The following DAPK2 variants were observed in gnomAD, a reference collection of about 807,000 sequenced individuals.
DAPK2 encodes death-associated protein kinase 2.
DAPK2 carries 35 observed loss-of-function variants against 44.1 expected under a neutral mutation model. The observed-to-expected ratio is 0.79, with a 90% CI of 0.61 to 1.05. The LOEUF is 1.05. Among genes scored for constraint, DAPK2 ranks in the 50% least tolerant of loss-of-function variants. The pLI, the probability that DAPK2 is intolerant of heterozygous loss-of-function variation, is 0.00. For synonymous variants in DAPK2, 174 were observed against 182.6 expected (o/e 0.95, Z 0.38); for missense variants, 453 against 483.2 (o/e 0.94, Z 0.59).
chr15:63,939,796 T>C lies in DAPK2; in HGVS notation c.454-435A>G, dbSNP rs1040565526. Among the ~76,000 whole-genome samples, 6 of 152,224 alleles carry C rather than the reference T, an allele frequency of 3.9e-5. No homozygotes were observed. The highest frequency in any genetic ancestry group is 6.5e-5 in the Admixed American group (1 of 15,280). ...TCCCAGCTTAGCCTCTGTTTATACT[T>C]GGCTTACTGACCTTGGTCTTCCTGA... On this transcript the variant is annotated intron_variant, in intron 3 of 10. Transcript: ENST00000261891. The surrounding 1 kb of genome is among the most constrained non-coding windows in gnomAD (Gnocchi z 4.3).
intron 1 of DAPK2, among the ~76,000 whole-genome samples, chr15:63,986,676 T>C (rs1182142140): frequency 6.6e-6 from 1 of 152,202 alleles, no homozygotes; most frequent in Non-Finnish European, 1.5e-5. Context: ...TCCGAGCAAG[T>C]AGCCAACTCT....
intron 3 of DAPK2, among the ~76,000 whole-genome samples, chr15:63,955,074 A>G (rs1440673053): frequency 6.6e-6 from 1 of 152,204 alleles, no homozygotes; most frequent in Non-Finnish European, 1.5e-5. Flanking sequence ...GGTTTTTCCA[A>G]ATATGAGATC....
At chr15:64,022,886 A>T (rs1338397879) in intron 1 of DAPK2, among the ~76,000 whole-genome samples, 2 of 152,162 alleles carry the variant, frequency 1.3e-5, no homozygotes, top group Non-Finnish European at 2.9e-5. Flanking sequence ...AGGGGGTTAG[A>T]CAGATGATAT....
chr15:64,045,735 C>T (rs751470301), intron 1 of DAPK2, among the ~76,000 whole-genome samples: 2 of 152,228 alleles, frequency 1.3e-5, no homozygotes, highest in Non-Finnish European at 2.9e-5. Context: ...CTGTTGGCAA[C>T]GCCCTTCCAA....
At chr15:63,964,811 CTT>C in intron 3 of DAPK2, among the ~76,000 whole-genome samples, 1 of 152,094 alleles carries the variant, frequency 6.6e-6, no homozygotes, top group Non-Finnish European at 1.5e-5. Flanking sequence ...ATTTAAATCT[CTT>C]TGTTAAATTT....
Position 63,923,668 on chromosome 15 carries a change from C to T in DAPK2, c.858+1148G>A, listed in dbSNP as rs554970820. On this transcript the variant is annotated intron_variant, in intron 8 of 10. Coordinates refer to ENST00000261891, the Ensembl canonical transcript of DAPK2. This position sits in a 1 kb window ranked among gnomAD's most constrained non-coding sequence, Gnocchi z 4.2. ...CAGGCATCTGCGCAGGGCTGGAGCA[C>T]GCAAGGCCAGGGCTCACGCAGCAGG... Among the ~76,000 whole-genome samples the T allele has an allele frequency of 1.4e-4, 21 of 152,342 alleles. No individual in the cohort carries two copies. Among genetic ancestry groups the T allele is most frequent in the Non-Finnish European group, 2.6e-4 (18 of 68,030 alleles).
intron 1 of DAPK2, among the ~76,000 whole-genome samples, chr15:64,025,881 G>A (rs905577305): frequency 6.6e-6 from 1 of 152,106 alleles, no homozygotes; most frequent in Non-Finnish European, 1.5e-5. Context: ...GCTTAATTGG[G>A]GTCTAAAGTT....
At chr15:64,044,862 G>A (rs1190044593), upstream of DAPK2, among the ~76,000 whole-genome samples, 2 of 152,122 alleles carry the variant, frequency 1.3e-5, no homozygotes, top group African/African-American at 4.8e-5. Context: ...AAACACACAC[G>A]ACCGTCTCAT....
chr15:63,949,208 C>T (rs1443897360), intron 3 of DAPK2, among the ~76,000 whole-genome samples: 3 of 152,234 alleles, frequency 2.0e-5, no homozygotes, highest in Admixed American at 2.0e-4. Flanking sequence ...GGCTACTCAC[C>T]CATGACTGCT....
chr15:63,924,606 T>C (rs574696725), intron 8 of DAPK2: 174 of 542,444 alleles, frequency 3.2e-4, no homozygotes, highest in African/African-American at 2.5e-3. Flanking sequence ...TTACCTGAAT[T>C]TGAGACACAC....
intron 6 of DAPK2, chr15:63,926,332 A>C: frequency 2.4e-6 from 1 of 423,780 alleles, no homozygotes; most frequent in South Asian, 3.4e-5. Flanking sequence ...ACGGACTCAA[A>C]AGCGGAGGGG....
At chr15:63,914,749 G>A (rs758465677) in intron 8 of DAPK2, among the ~76,000 whole-genome samples, 2 of 152,094 alleles carry the variant, frequency 1.3e-5, no homozygotes, top group East Asian at 1.9e-4. Context: ...CAAAGTCTCC[G>A]GGTCTTTGCC....
chr15:63,929,084 C>A (rs917049360), intron 6 of DAPK2, among the ~76,000 whole-genome samples: 2 of 151,926 alleles, frequency 1.3e-5, no homozygotes, highest in African/African-American at 2.4e-5. Context: ...CCTGTAATCC[C>A]GGTTACTCGG....
chr15:63,994,991 C>G (rs1379422236), intron 1 of DAPK2, among the ~76,000 whole-genome samples: 5 of 152,022 alleles, frequency 3.3e-5, no homozygotes, highest in Non-Finnish European at 7.4e-5. Flanking sequence ...ATTAACATCT[C>G]CTCATATAAT....
Position 63,990,230 on chromosome 15 carries a change from C to A in DAPK2, c.93-6476G>T, listed in dbSNP as rs1029596162. Among the ~76,000 whole-genome samples, 2 of 130,794 alleles carry A rather than the reference C, an allele frequency of 1.5e-5. No individual in the cohort carries two copies. The highest frequency in any genetic ancestry group is 3.4e-5 in the Non-Finnish European group (2 of 58,156). The allele number at this position is 130,794 out of a possible 152,430, so 85.8% of individuals were successfully genotyped here. A position where few individuals can be genotyped will look rare whatever the true frequency, so the allele number is the denominator to read the frequency against. ...ATCACCTGAGGTCAAGAGTTTGAGA[C>A]CAGCCTGGGCCAACAGGACAAAACC... On this transcript the variant is annotated intron_variant, in intron 1 of 10. Transcript: ENST00000261891. This position sits in a 1 kb window ranked among gnomAD's most constrained non-coding sequence, Gnocchi z 4.3.
rs151158106 is a variant in DAPK2 at position 64,030,535 on chromosome 15, T to C, written c.92+9635A>G. Among the ~76,000 whole-genome samples, 202 of 152,090 alleles carry C rather than the reference T, an allele frequency of 1.3e-3. 1 individual carries two copies. Among genetic ancestry groups the C allele is most frequent in the African/African-American group, 4.4e-3 (183 of 41,460 alleles). ...AAGGGAATTTGGTGGCCTGGTATGG[T>C]CCTCACTGCTGCCCTATGCAGAGAA... On this transcript the variant is annotated intron_variant, in intron 1 of 10. Transcript: ENST00000261891.
At position 64,026,860 on chromosome 15, in the gene DAPK2, T is replaced by G. The variant is rs147557309; in HGVS notation, c.92+13310A>C. ...ACTGGCCTGGGTCGGGTAGAGTCTC[T>G]GAGCCTCCTTTTCATCACTTACAAA... On this transcript the variant is annotated intron_variant, in intron 1 of 10. Coordinates refer to ENST00000261891, the Ensembl canonical transcript of DAPK2. 2.0e-5 allele frequency among the ~76,000 whole-genome samples: 3 copies of G among 152,354 alleles called. No individual in the cohort carries two copies. The East Asian group carries it at 5.8e-4, about 29-fold the overall frequency.
chr15:64,006,973 G>C (rs1207419121), intron 1 of DAPK2, among the ~76,000 whole-genome samples: 1 of 152,096 alleles, frequency 6.6e-6, no homozygotes. Context: ...ACCTTAACTC[G>C]GAAAAACCTG....
intron 1 of DAPK2, among the ~76,000 whole-genome samples, chr15:63,985,213 G>T (rs2078636485): frequency 6.6e-6 from 1 of 152,162 alleles, no homozygotes; most frequent in Non-Finnish European, 1.5e-5. Flanking sequence ...GCTTTGTGGA[G>T]CCAAATTTAT....
Sources: allele counts gnomAD v4.1 joint callset (sites outside exome capture counted in the v4.1 genomes callset), GRCh38; gene constraint gnomAD v4.1.1; non-coding constraint Gnocchi (gnomAD v3.1); transcripts MANE v1.5; gene names NCBI Gene and HGNC (gene_info 2026-07-23, HGNC 2026-07-21).